MAEL: variants seen among roughly 807,000 people sequenced by gnomAD.
MAEL encodes maelstrom spermatogenic transposon silencer.
In MAEL, 46 loss-of-function variants were observed where a neutral mutation model predicts 62.0. That is an observed-to-expected ratio of 0.74 (90% CI 0.59 to 0.95). The LOEUF (loss-of-function observed/expected upper bound fraction) is 0.95, where lower values mean the gene tolerates loss of function less well. Ranked by LOEUF, MAEL falls within the 40% of genes least tolerant of loss-of-function variation. The pLI, the probability that MAEL is intolerant of heterozygous loss-of-function variation, is 0.00. For missense variants in MAEL, 497 were observed against 526.8 expected, an observed-to-expected ratio of 0.94 and a Z score of 0.55; for synonymous variants, 172 against 175.5, an observed-to-expected ratio of 0.98 and a Z score of 0.16.
chr1:167,001,171 C>T (rs1291859513), intron 5 of MAEL, among the ~76,000 whole-genome samples: 1 of 152,142 alleles, frequency 6.6e-6, no homozygotes, highest in Non-Finnish European at 1.5e-5. Flanking sequence ...AATGGAAAAC[C>T]AAACACATGT....
chr1:166,976,791 G>C (rs1294970870), intron 1 of MAEL, among the ~76,000 whole-genome samples: 1 of 152,218 alleles, frequency 6.6e-6, no homozygotes, highest in African/African-American at 2.4e-5. Context: ...GGGAGAATAT[G>C]TATGTGAACA....
At chr1:166,990,653 T>C (rs6662130) in intron 2 of MAEL, 24,790 of 151,874 alleles carry the variant, frequency 0.16, 2,117 homozygotes, top group East Asian at 0.24. Context: ...AGCAAAACTC[T>C]GTATCAAAAA....
rs531976617 is a variant in MAEL, at chr1:166,989,462, C to T, written c.110C>T (p.Pro37Leu). Residue 37 changes from proline to leucine, a missense_variant, in exon 1 of 12, where the codon CCT (proline) becomes CTT (leucine). Coordinates refer to ENST00000367872, the MANE Select transcript of MAEL (RefSeq NM_032858.3). ...GTGGCTCGCGTTGCTGATGCCATCC[C>T]TTACTGCTCCTCAGACTGGGCGGTA... ...LPVARVADAI[P>L]YCSSDWALLR... 3.2e-6 allele frequency: 5 copies of T among 1,586,808 alleles called. No homozygotes were observed. The African/African-American group carries it at 5.4e-5, about 17-fold the overall frequency.
chr1:167,008,682 G>T (rs1665034479), intron 8 of MAEL, among the ~76,000 whole-genome samples: 1 of 151,598 alleles, frequency 6.6e-6, no homozygotes, highest in African/African-American at 2.4e-5. Context: ...TGATTTTTTT[G>T]ATGTGTTTAG....
chr1:166,998,688 A>G (rs1177255413), intron 5 of MAEL, among the ~76,000 whole-genome samples: 1 of 152,048 alleles, frequency 6.6e-6, no homozygotes, highest in Non-Finnish European at 1.5e-5. Flanking sequence ...TTCCCTCTAC[A>G]TGCACACCTT....
At chr1:167,018,388 A>C (rs1468609912) in intron 10 of MAEL, among the ~76,000 whole-genome samples, 1 of 152,036 alleles carries the variant, frequency 6.6e-6, no homozygotes, top group African/African-American at 2.4e-5. Context: ...GTAGGCCTCT[A>C]AACCACTAAG....
intron 8 of MAEL, among the ~76,000 whole-genome samples, chr1:167,015,855 G>T (rs575752447): frequency 1.3e-5 from 2 of 152,044 alleles, no homozygotes; most frequent in Non-Finnish European, 2.9e-5. Flanking sequence ...AGTAAGTTTT[G>T]TGTGGACAAT....
intron 8 of MAEL, chr1:167,012,487 C>G (rs1377444669): frequency 6.6e-6 from 1 of 152,188 alleles, no homozygotes; most frequent in East Asian, 1.9e-4. Flanking sequence ...TGAGCACCTC[C>G]TCTGTGCCAG....
At position 166,989,444 on chromosome 1, in the gene MAEL, G is replaced by A. The variant is rs745572154; in HGVS notation, c.92G>A (p.Arg31His). 4 of 1,589,858 alleles carry A rather than the reference G, an allele frequency of 2.5e-6. No individual in the cohort carries two copies. Among genetic ancestry groups the A allele is most frequent in the Non-Finnish European group, 3.4e-6 (4 of 1,168,734 alleles). ...ELRRRGLPVA[R>H]VADAIPYCSS... ...CGGCGACGAGGCCTGCCTGTGGCTC[G>A]CGTTGCTGATGCCATCCCTTACTGC... The change falls in exon 1 of 12, where the codon CGC (arginine) becomes CAC (histidine). Residue 31 changes from arginine (R) to histidine (H), a missense_variant. By Grantham distance (29) the Arg-to-His change is conservative. Coordinates refer to ENST00000367872, the MANE Select transcript of MAEL (RefSeq NM_032858.3).
intron 1 of MAEL, among the ~76,000 whole-genome samples, chr1:166,977,881 G>GTTGAGGC: frequency 6.6e-6 from 1 of 152,204 alleles, no homozygotes; most frequent in East Asian, 1.9e-4. Context: ...AACCTGGGAG[G>GTTGAGGC]TTGAGGCTGC....
At chr1:167,004,344 A>C (rs770632687) in intron 6 of MAEL, 40 bp downstream of exon 6, 2 of 1,536,484 alleles carry the variant, frequency 1.3e-6, no homozygotes, top group African/African-American at 2.8e-5. Context: ...GTATCAATTT[A>C]TAGTACCAAA....
intron 8 of MAEL, among the ~76,000 whole-genome samples, chr1:167,011,422 C>T (rs564017389): frequency 6.6e-6 from 1 of 152,208 alleles, no homozygotes; most frequent in East Asian, 1.9e-4. Flanking sequence ...TGTACCATTA[C>T]CTCAGTTACA....
At chr1:166,994,765 G>A (rs1397424895) in intron 5 of MAEL, among the ~76,000 whole-genome samples, 1 of 150,294 alleles carries the variant, frequency 6.7e-6, no homozygotes, top group Non-Finnish European at 1.5e-5. Context: ...TGCCTCCTTG[G>A]TTCAAGCAAT....
chr1:167,001,067 G>T (rs1664641472), intron 5 of MAEL, among the ~76,000 whole-genome samples: 1 of 152,174 alleles, frequency 6.6e-6, no homozygotes, highest in Non-Finnish European at 1.5e-5. Context: ...ATATATGATG[G>T]AATACTACTC....
At chr1:167,005,888 T>C (rs1664873822) in intron 8 of MAEL, 1 of 152,460 alleles carries the variant, frequency 6.6e-6, no homozygotes, top group South Asian at 2.1e-4. Flanking sequence ...CACTTGAGGG[T>C]AAGTTGCTAT....
chr1:166,993,451 A>G (rs1664277603), intron 4 of MAEL, among the ~76,000 whole-genome samples: 1 of 152,204 alleles, frequency 6.6e-6, no homozygotes, highest in Non-Finnish European at 1.5e-5. Context: ...TAGGAAAAAT[A>G]TATAGGGAGA....
In MAEL at chr1:166,989,410, C is replaced by A; in HGVS notation, c.58C>A (p.Pro20Thr). ...AYYFFVQEKIPELRRRGLPVA... is the reference protein window; with the variant it reads ...AYYFFVQEKITELRRRGLPVA... ...CTATTTCTTCGTGCAGGAGAAGATCCCCGAACTACGGCGACGAGGCCTGCC... is the reference window on the plus strand; with the variant it reads ...CTATTTCTTCGTGCAGGAGAAGATCACCGAACTACGGCGACGAGGCCTGCC... The change falls in exon 1 of 12, where the codon CCC (proline) becomes ACC (threonine). Residue 20 changes from proline (P) to threonine (T), a missense_variant. Coordinates refer to ENST00000367872, the MANE Select transcript of MAEL (RefSeq NM_032858.3). 1.9e-6 allele frequency: 3 copies of A among 1,606,344 alleles called. No homozygotes were observed. The highest frequency in any genetic ancestry group is 2.5e-6 in the Non-Finnish European group (3 of 1,176,726).
intron 1 of MAEL, among the ~76,000 whole-genome samples, chr1:166,982,440 G>A (rs943592644): frequency 2.0e-5 from 3 of 152,158 alleles, no homozygotes; most frequent in Non-Finnish European, 4.4e-5. Flanking sequence ...CCCTTGTGGA[G>A]TGTTTAGCAG....
intron 8 of MAEL, among the ~76,000 whole-genome samples, chr1:167,015,599 T>C (rs1665356973): frequency 6.6e-6 from 1 of 152,200 alleles, no homozygotes; most frequent in African/African-American, 2.4e-5. Context: ...TTTGTAACCT[T>C]GTATTGACTT....
Sources: allele counts gnomAD v4.1 joint callset (sites outside exome capture counted in the v4.1 genomes callset), GRCh38; gene constraint gnomAD v4.1.1; transcripts MANE v1.5; gene names NCBI Gene and HGNC (gene_info 2026-07-23, HGNC 2026-07-21).